The following EZH2 variants were observed in gnomAD, a reference collection of about 807,000 sequenced individuals.
The protein encoded by EZH2 is enhancer of zeste 2 polycomb repressive complex 2 subunit.
In EZH2, 18 loss-of-function variants were observed where a neutral mutation model predicts 98.4. The ratio of observed to expected loss-of-function variants is 0.18; its 90% CI spans 0.13 to 0.27. The LOEUF (loss-of-function observed/expected upper bound fraction) is 0.27. Ranked by LOEUF, EZH2 falls within the 10% of genes least tolerant of loss-of-function variation. The probability of loss-of-function intolerance (pLI) is 1.00; values close to 1 mark genes in which losing one functional copy is unlikely to be tolerated. For missense variants in EZH2, 470 were observed against 935.1 expected, an observed-to-expected ratio of 0.50 and a Z score of 6.49; for synonymous variants, 338 against 312.3, an observed-to-expected ratio of 1.08 and a Z score of -0.87.
intron 1 of EZH2, among the ~76,000 whole-genome samples, chr7:148,861,048 G>A (rs1317986617): frequency 6.6e-6 from 1 of 151,930 alleles, no homozygotes; most frequent in East Asian, 1.9e-4. Flanking sequence ...TTGGTTCCAG[G>A]AACTTCATGG....
chr7:148,859,089 T>C, intron 1 of EZH2, among the ~76,000 whole-genome samples: 1 of 152,216 alleles, frequency 6.6e-6, no homozygotes, highest in East Asian at 1.9e-4. Context: ...ATTCATTAAG[T>C]CAACAAATAT....
chr7:148,861,681 G>C (rs1817685885), intron 1 of EZH2, among the ~76,000 whole-genome samples: 2 of 151,950 alleles, frequency 1.3e-5, no homozygotes, highest in Admixed American at 1.3e-4. Flanking sequence ...AAAAAAATTA[G>C]TGAGTGAGGG....
At chr7:148,872,421 G>T (rs927682265) in intron 1 of EZH2, among the ~76,000 whole-genome samples, 1 of 152,198 alleles carries the variant, frequency 6.6e-6, no homozygotes, top group Non-Finnish European at 1.5e-5. Context: ...GTGCAACAAT[G>T]TGAATGTATT....
chr7:148,872,765 G>A (rs953610181), intron 1 of EZH2, among the ~76,000 whole-genome samples: 10 of 151,792 alleles, frequency 6.6e-5, no homozygotes, highest in East Asian at 1.9e-4. Flanking sequence ...GCATTTCTCC[G>A]GTCTAGTCTT....
chr7:148,837,707 A>G (rs978920307), intron 3 of EZH2, among the ~76,000 whole-genome samples: 5 of 152,232 alleles, frequency 3.3e-5, no homozygotes, highest in Admixed American at 3.3e-4. Context: ...ACGACACTTG[A>G]AAAGAAATGA....
intron 1 of EZH2, among the ~76,000 whole-genome samples, chr7:148,883,764 C>G (rs1023754012): frequency 4.6e-5 from 7 of 152,046 alleles, no homozygotes; most frequent in African/African-American, 1.7e-4. Context: ...CACCCGGGCG[C>G]TCCCGCCGCG....
At chr7:148,848,501 C>T (rs1285190293) in intron 1 of EZH2, among the ~76,000 whole-genome samples, 1 of 152,094 alleles carries the variant, frequency 6.6e-6, no homozygotes, top group Non-Finnish European at 1.5e-5. Context: ...ACTTCATGCA[C>T]AGAGAAAACT....
At chr7:148,837,993 A>C (rs1811339800) in intron 3 of EZH2, among the ~76,000 whole-genome samples, 1 of 151,480 alleles carries the variant, frequency 6.6e-6, no homozygotes, top group South Asian at 2.1e-4. Flanking sequence ...CTACATTCCA[A>C]GGGGCGGGGA....
At chr7:148,863,875 G>A (rs980466797) in intron 1 of EZH2, among the ~76,000 whole-genome samples, 8 of 152,146 alleles carry the variant, frequency 5.3e-5, no homozygotes, top group African/African-American at 7.2e-5. Flanking sequence ...GAGATCTATC[G>A]AAATGTGGAA....
At chr7:148,864,745 T>C (rs888835629) in intron 1 of EZH2, among the ~76,000 whole-genome samples, 5 of 151,056 alleles carry the variant, frequency 3.3e-5, no homozygotes, top group African/African-American at 1.2e-4. Flanking sequence ...AAAACTATAC[T>C]AAATCGATTT....
In EZH2 at chr7:148,810,273, C is replaced by T. The variant is rs888509682; in HGVS notation, c.2029+60G>A. ...TCTACCCTCGTTTCTGAACACTCGG[C>T]CGGCAGAAGGCTGCCACATGCAACT... is the stretch of plus-strand genomic sequence containing the variant. On this transcript the variant is annotated intron_variant, in intron 17 of 19. Transcript: ENST00000320356. 12 of 1,288,980 alleles carry T rather than the reference C, an allele frequency of 9.3e-6. No individual in the cohort carries two copies. The Admixed American group carries it at 1.4e-4, about 15-fold the overall frequency. 79.8% of individuals were successfully genotyped at this position (1,288,980 alleles called of 1,614,324 possible). A position where few individuals can be genotyped will look rare whatever the true frequency, so the allele number is the denominator to read the frequency against.
At chr7:148,856,105 A>C (rs1419178248) in intron 1 of EZH2, among the ~76,000 whole-genome samples, 1 of 152,104 alleles carries the variant, frequency 6.6e-6, no homozygotes, top group Non-Finnish European at 1.5e-5. Context: ...GTCTAACAGT[A>C]TTATAATTTT....
At position 148,809,297 on chromosome 7, in the gene EZH2, C is replaced by G; in HGVS notation, c.2110+13G>C. 1 of 1,599,178 alleles carries G rather than the reference C, an allele frequency of 6.3e-7. No individual in the cohort carries two copies. On this transcript the variant is annotated intron_variant, in intron 18 of 19. Coordinates refer to ENST00000320356, the MANE Select transcript of EZH2 (RefSeq NM_004456.5). ...GAAAAGGGAGTTCCAATTCTCACGTCAAAGGTACCTACCTTTTGCATAGCA... is the reference window on the plus strand; with the variant it reads ...GAAAAGGGAGTTCCAATTCTCACGTGAAAGGTACCTACCTTTTGCATAGCA...
chr7:148,858,772 A>T (rs1250787838), intron 1 of EZH2, among the ~76,000 whole-genome samples: 1 of 152,158 alleles, frequency 6.6e-6, no homozygotes, highest in Non-Finnish European at 1.5e-5. Context: ...TAAAACAGAA[A>T]CTGTTACACA....
At chr7:148,865,864 CA>C (rs1457354925) in intron 1 of EZH2, among the ~76,000 whole-genome samples, 2 of 152,042 alleles carry the variant, frequency 1.3e-5, no homozygotes, top group Admixed American at 1.3e-4. Context: ...CAATCTAAAC[CA>C]AGTAACCATT....
chr7:148,850,551 G>A (rs1260340989), intron 1 of EZH2: 5 of 461,012 alleles, frequency 1.1e-5, no homozygotes, highest in Non-Finnish European at 1.4e-5. Context: ...AAAATTTAAA[G>A]TACCAATTAA....
At chr7:148,854,141 T>C (rs1204585936) in intron 1 of EZH2, among the ~76,000 whole-genome samples, 1 of 152,192 alleles carries the variant, frequency 6.6e-6, no homozygotes, top group Non-Finnish European at 1.5e-5. Context: ...TCAGAGCCCT[T>C]ATTGCTTCTT....
chr7:148,814,234 C>G, intron 14 of EZH2, 97 bp from the exon 15 acceptor site: 1 of 1,088,202 alleles, frequency 9.2e-7, no homozygotes, highest in Non-Finnish European at 1.3e-6. Flanking sequence ...CTCACTGACT[C>G]TCAACCCTCA....
chr7:148,819,713 C>T (rs752209216), intron 8 of EZH2, 26 bp from the exon 9 acceptor site: 1 of 1,583,418 alleles, frequency 6.3e-7, no homozygotes, highest in Non-Finnish European at 8.7e-7. Context: ...AACAAAGAAT[C>T]TAATATAACT....
Sources: gnomAD v4.1 joint callset for allele counts (sites outside exome capture counted in the v4.1 genomes callset) on GRCh38, gnomAD v4.1.1 for gene constraint, MANE v1.5 for transcripts, NCBI Gene and HGNC (gene_info 2026-07-23, HGNC 2026-07-21) for gene names.